The following MACROD2 variants were observed in gnomAD, a reference collection of about 807,000 sequenced individuals.
MACROD2 encodes ADP-ribose glycohydrolase MACROD2.
In MACROD2, 36 loss-of-function variants were observed where a neutral mutation model predicts 70.4. The observed-to-expected ratio is 0.51, with a 90% CI of 0.39 to 0.68. MACROD2 has a LOEUF of 0.68. Among genes scored for constraint, MACROD2 ranks in the 30% least tolerant of loss-of-function variants. MACROD2 has a pLI of 0.00. For missense variants in MACROD2, 496 were observed against 538.4 expected (o/e 0.92, Z 0.78); for synonymous variants, 172 against 178.8 (o/e 0.96, Z 0.30).
chr20:14,777,127 C>G (rs1050346879), intron 5 of MACROD2, among the ~76,000 whole-genome samples: 1 of 151,990 alleles, frequency 6.6e-6, no homozygotes, highest in Non-Finnish European at 1.5e-5. Flanking sequence ...TATAAATATT[C>G]TTGCACATGT....
At position 15,951,861 on chromosome 20, in the gene MACROD2, G is replaced by A. The variant is rs897495380; in HGVS notation, c.907+14317G>A. On this transcript the variant is annotated intron_variant, in intron 12 of 17. Coordinates refer to ENST00000684519, the MANE Select transcript of MACROD2 (RefSeq NM_001351661.2). Reference sequence around the variant, plus strand: ...TGCCAACCACACCTATCTTAAACACGGAATGAGGCAGAATCAGTTACTAAA... The same window carrying A: ...TGCCAACCACACCTATCTTAAACACAGAATGAGGCAGAATCAGTTACTAAA... Among the ~76,000 whole-genome samples the A allele has an allele frequency of 3.9e-5, 6 of 152,076 alleles. No homozygotes were observed. In the South Asian group the frequency reaches 6.2e-4, roughly 16 times the overall value.
intron 5 of MACROD2, among the ~76,000 whole-genome samples, chr20:14,884,877 CTCCCTTCTATTCAT>C (rs961473431): frequency 6.6e-6 from 1 of 152,176 alleles, no homozygotes; most frequent in African/African-American, 2.4e-5. Context: ...AACCCAGACA[CTCCCTTCTATTCAT>C]TCCAGGTATT....
At chr20:14,564,063 T>G (rs1979616990) in intron 4 of MACROD2, among the ~76,000 whole-genome samples, 1 of 151,964 alleles carries the variant, frequency 6.6e-6, no homozygotes, top group Admixed American at 6.6e-5. Context: ...TACCTGATAT[T>G]TGATAAAGTC....
At chr20:14,233,505 A>T (rs2081838222) in intron 3 of MACROD2, among the ~76,000 whole-genome samples, 1 of 147,970 alleles carries the variant, frequency 6.8e-6, no homozygotes. Context: ...GTCCTGGCTA[A>T]CATGGTGAAA....
Position 15,056,517 on chromosome 20 carries a change from C to T in MACROD2, c.419-173423C>T, listed in dbSNP as rs77865575. On this transcript the variant is annotated intron_variant, in intron 5 of 17. Coordinates refer to ENST00000684519, the MANE Select transcript of MACROD2 (RefSeq NM_001351661.2). ...AGTATGTAGACAGCAGTAATGTTCA[C>T]AGCTGTTAGGTGAAGCCCTTGAAGA... Among the ~76,000 whole-genome samples, 996 of 152,244 alleles carry T rather than the reference C, an allele frequency of 6.5e-3. 8 individuals carry two copies. The highest frequency in any genetic ancestry group is 0.023 in the African/African-American group (951 of 41,574).
chr20:16,032,163 G>A (rs1213409488), intron 15 of MACROD2, among the ~76,000 whole-genome samples: 5 of 151,992 alleles, frequency 3.3e-5, no homozygotes, highest in East Asian at 1.9e-4. Flanking sequence ...TAAAAAGTTA[G>A]CATATAGTAT....
chr20:15,893,508 C>T (rs543170235), intron 10 of MACROD2: 3 of 355,318 alleles, frequency 8.4e-6, no homozygotes, highest in South Asian at 4.4e-5. Context: ...ATTGAATGGG[C>T]AGGTCCCACT....
At chr20:15,455,255 T>C (rs921019018) in intron 7 of MACROD2, among the ~76,000 whole-genome samples, 2 of 152,206 alleles carry the variant, frequency 1.3e-5, no homozygotes, top group African/African-American at 2.4e-5. Flanking sequence ...CATTCCTTTT[T>C]AACCAGCTAT....
At chr20:15,471,757 C>T (rs1424535890) in intron 7 of MACROD2, among the ~76,000 whole-genome samples, 1 of 152,060 alleles carries the variant, frequency 6.6e-6, no homozygotes, top group Admixed American at 6.5e-5. Context: ...AGGAATTATC[C>T]CCTAATCTTC....
At chr20:14,669,972 G>A (rs534010995) in intron 4 of MACROD2, among the ~76,000 whole-genome samples, 3 of 152,010 alleles carry the variant, frequency 2.0e-5, no homozygotes, top group South Asian at 2.1e-4. Flanking sequence ...TAGGACCTGC[G>A]CCTTGAGAAG....
chr20:14,737,484 G>A (rs1032895863), intron 5 of MACROD2, among the ~76,000 whole-genome samples: 5 of 152,052 alleles, frequency 3.3e-5, no homozygotes, highest in Non-Finnish European at 7.4e-5. Context: ...TGGGATTGCT[G>A]GGTCAAATGG....
intron 4 of MACROD2, among the ~76,000 whole-genome samples, chr20:14,569,808 C>G (rs55935507): frequency 6.6e-6 from 1 of 151,430 alleles, no homozygotes; most frequent in Non-Finnish European, 1.5e-5. Context: ...GAATTTGGAT[C>G]CTAAGGGAAA....
chr20:14,579,482 A>T (rs1980862974), intron 4 of MACROD2, among the ~76,000 whole-genome samples: 1 of 152,192 alleles, frequency 6.6e-6, no homozygotes, highest in Admixed American at 6.5e-5. Flanking sequence ...GACAAGTGCA[A>T]ATGACATTTT....
At chr20:14,751,414 T>C (rs1481163073) in intron 5 of MACROD2, among the ~76,000 whole-genome samples, 1 of 152,162 alleles carries the variant, frequency 6.6e-6, no homozygotes, top group Non-Finnish European at 1.5e-5. Context: ...GCTTCTTCCA[T>C]TACTCTGTCT....
At chr20:14,298,566 C>T (rs2082447256) in intron 3 of MACROD2, among the ~76,000 whole-genome samples, 1 of 50,842 alleles carries the variant, frequency 2.0e-5, no homozygotes, top group African/African-American at 7.0e-5. Flanking sequence ...AAAACTCCAC[C>T]TCAAAAAAAA....
At chr20:15,030,601 G>A (rs2075267080) in intron 5 of MACROD2, among the ~76,000 whole-genome samples, 1 of 152,166 alleles carries the variant, frequency 6.6e-6, no homozygotes, top group African/African-American at 2.4e-5. Context: ...CTCAGGGCAT[G>A]TTTCCAAAGG....
At chr20:15,866,225 AAAAT>A (rs1418245668) in intron 9 of MACROD2, among the ~76,000 whole-genome samples, 1 of 152,098 alleles carries the variant, frequency 6.6e-6, no homozygotes. Flanking sequence ...GGCTCTACAA[AAAAT>A]AAATAAATAA....
chr20:15,609,690 C>A (rs529742151), intron 8 of MACROD2, among the ~76,000 whole-genome samples: 2 of 152,340 alleles, frequency 1.3e-5, no homozygotes, highest in East Asian at 3.9e-4. Flanking sequence ...TTGAGACCTG[C>A]AACTCTTAAC....
chr20:14,838,586 G>A (rs1361187731), intron 5 of MACROD2, among the ~76,000 whole-genome samples: 1 of 152,040 alleles, frequency 6.6e-6, no homozygotes, highest in Non-Finnish European at 1.5e-5. Flanking sequence ...AGATTAAATA[G>A]CATAAATTTA....
Sources: gnomAD v4.1 joint callset for allele counts (sites outside exome capture counted in the v4.1 genomes callset) on GRCh38, gnomAD v4.1.1 for gene constraint, MANE v1.5 for transcripts, NCBI Gene and HGNC (gene_info 2026-07-23, HGNC 2026-07-21) for gene names.